Variants in ABL2 observed in about 807,000 individuals in gnomAD.
The protein encoded by ABL2 is tyrosine-protein kinase ABL2.
A neutral mutation model predicts 107.7 loss-of-function variants in ABL2; 49 were observed. The observed-to-expected ratio is 0.45, with a 90% CI of 0.36 to 0.58. ABL2 has a LOEUF of 0.58. ABL2 is among the 20% of genes least tolerant of loss of function. The pLI, the probability that ABL2 is intolerant of heterozygous loss-of-function variation, is 0.00. For missense variants in ABL2, 1,245 were observed against 1,457.0 expected (o/e 0.85, Z 2.37); for synonymous variants, 549 against 548.6 (o/e 1.00, Z -0.01).
rs375116317 is a variant in ABL2, at chr1:179,126,760, T to TAA, written c.392-90_392-89dup. The TAA allele has an allele frequency of 6.5e-4, 642 of 991,294 alleles. No homozygotes were observed. Among genetic ancestry groups the TAA allele is most frequent in the South Asian group, 1.0e-3 (37 of 36,170 alleles). The allele number at this position is 991,294 out of a possible 1,614,324, so 61.4% of individuals were successfully genotyped here. On this transcript the variant is annotated intron_variant, in intron 3 of 11. Transcript: ENST00000502732. The surrounding 1 kb of genome is among the most constrained non-coding windows in gnomAD (Gnocchi z 4.4). ...GTGTACTGTCAAACTTTAAACTCAT[T>TAA]AAAAAAAAAAAAGAATCTAGAACTT...
chr1:179,138,695 G>A (rs1395994715), intron 1 of ABL2, among the ~76,000 whole-genome samples: 3 of 152,148 alleles, frequency 2.0e-5, no homozygotes, highest in African/African-American at 7.2e-5. Context: ...CACAGCCCTC[G>A]CTCGCTCTCG....
intron 1 of ABL2, among the ~76,000 whole-genome samples, chr1:179,133,979 G>A (rs554694959): frequency 6.6e-6 from 1 of 152,118 alleles, no homozygotes; most frequent in African/African-American, 2.4e-5. Context: ...GATAATGGGG[G>A]CTACTGCACC....
rs1558013912 is a variant in ABL2, at chr1:179,229,364, GA to G, written c.33del (p.Pro12ArgfsTer78). MGQQVGRVGE[A>X]PGLQQPQPRG... ...CGGGGCTGAGGCTGCTGGAGCCCCG[GA>G]GCTTCCCCGACGCGGCCCACCTGCT... On this transcript the variant is annotated frameshift_variant, in exon 1 of 12. Coordinates refer to ENST00000502732, the MANE Select transcript of ABL2 (RefSeq NM_007314.4). LOFTEE classifies it high-confidence loss of function. The G allele has an allele frequency of 6.4e-7, 1 of 1,572,128 alleles. No individual in the cohort carries two copies. The highest frequency in any genetic ancestry group is 8.6e-7 in the Non-Finnish European group (1 of 1,164,094).
At chr1:179,215,926 G>C (rs562490966) in intron 1 of ABL2, among the ~76,000 whole-genome samples, 1 of 152,012 alleles carries the variant, frequency 6.6e-6, no homozygotes, top group Non-Finnish European at 1.5e-5. Flanking sequence ...TAATTTGCTG[G>C]AATTAGCACA....
chr1:179,137,732 T>C (rs1657169279), intron 1 of ABL2: 1 of 152,202 alleles, frequency 6.6e-6, no homozygotes, highest in South Asian at 2.1e-4. Context: ...AAACAGTAAT[T>C]TGATCACCCT....
intron 1 of ABL2, among the ~76,000 whole-genome samples, chr1:179,200,553 A>G (rs974538078): frequency 2.3e-4 from 35 of 152,186 alleles, no homozygotes; most frequent in African/African-American, 8.4e-4. Context: ...AGTTTCGCAT[A>G]TTCTATCTCC....
intron 1 of ABL2, among the ~76,000 whole-genome samples, chr1:179,224,540 A>T (rs561246377): frequency 1.9e-4 from 29 of 149,442 alleles, no homozygotes; most frequent in African/African-American, 6.3e-4. Context: ...AAGTGCTGGG[A>T]TTATAGGTGT....
intron 1 of ABL2, among the ~76,000 whole-genome samples, chr1:179,136,995 C>T (rs1244394298): frequency 6.6e-6 from 1 of 150,642 alleles, no homozygotes; most frequent in Non-Finnish European, 1.5e-5. Context: ...CTCTGTAATT[C>T]TCCAGTTTCA....
intron 10 of ABL2, among the ~76,000 whole-genome samples, chr1:179,111,045 G>A (rs1459609547): frequency 3.4e-5 from 5 of 147,084 alleles, no homozygotes; most frequent in Admixed American, 6.9e-5. Flanking sequence ...GTGCAATGGC[G>A]TGATCTCAGC....
chr1:179,194,300 T>C (rs1218125804), intron 1 of ABL2, among the ~76,000 whole-genome samples: 1 of 152,160 alleles, frequency 6.6e-6, no homozygotes, highest in Non-Finnish European at 1.5e-5. Context: ...AAATCAATCA[T>C]CCTTAATAGT....
Position 179,102,419 on chromosome 1 carries a change from C to T in ABL2, c.*5299G>A, listed in dbSNP as rs139185338. 6 of 219,990 alleles carry T rather than the reference C, an allele frequency of 2.7e-5. No individual in the cohort carries two copies. The highest frequency in any genetic ancestry group is 1.4e-3 in the Middle Eastern group (1 of 694). The allele number at this position is 219,990 out of a possible 1,614,324, so 13.6% of individuals were successfully genotyped here. On this transcript the variant is annotated 3_prime_UTR_variant, in exon 12 of 12. Transcript: ENST00000502732. Reference sequence around the variant, plus strand: ...TTTCAGAAGTTCTCACATACTCCTACGGATCCCAGACTGAAGCAGGAATTT... The same window carrying T: ...TTTCAGAAGTTCTCACATACTCCTATGGATCCCAGACTGAAGCAGGAATTT...
chr1:179,172,973 T>C (rs1006209979), intron 1 of ABL2, among the ~76,000 whole-genome samples: 5 of 152,154 alleles, frequency 3.3e-5, no homozygotes, highest in Admixed American at 2.6e-4. Flanking sequence ...ATGGATCACT[T>C]GAGGCCAGGA....
chr1:179,205,947 T>C (rs1661948482), intron 1 of ABL2, among the ~76,000 whole-genome samples: 1 of 152,246 alleles, frequency 6.6e-6, no homozygotes, highest in Non-Finnish European at 1.5e-5. Context: ...CTAAGCACTT[T>C]ATATAGCTTA....
intron 1 of ABL2, among the ~76,000 whole-genome samples, chr1:179,198,806 A>G (rs1383535778): frequency 1.3e-5 from 2 of 151,510 alleles, no homozygotes; most frequent in African/African-American, 2.4e-5. Flanking sequence ...AGGAATGCTA[A>G]TAGGGTATCA....
chr1:179,218,473 T>C (rs915232122), intron 1 of ABL2, among the ~76,000 whole-genome samples: 4 of 152,126 alleles, frequency 2.6e-5, no homozygotes, highest in African/African-American at 7.2e-5. Flanking sequence ...CTCGGCTCAC[T>C]GCAGCCTCTG....
chr1:179,221,834 T>G, intron 1 of ABL2: 1 of 235,658 alleles, frequency 4.2e-6, no homozygotes, highest in Non-Finnish European at 9.2e-6. Flanking sequence ...GAGTGTCCTT[T>G]CAAGGTGTTT....
chr1:179,132,867 T>G (rs1321263962), intron 2 of ABL2, among the ~76,000 whole-genome samples: 1 of 128,066 alleles, frequency 7.8e-6, no homozygotes, highest in Admixed American at 8.2e-5. Context: ...CGCACCCCTC[T>G]CCCACCACCG....
chr1:179,118,355 T>C (rs996128131), intron 7 of ABL2, among the ~76,000 whole-genome samples: 1 of 151,562 alleles, frequency 6.6e-6, no homozygotes, highest in Non-Finnish European at 1.5e-5. Context: ...ACTATTGCAA[T>C]TTTTTTTTAA....
intron 3 of ABL2, among the ~76,000 whole-genome samples, chr1:179,127,084 TAAC>T (rs1182094190): frequency 1.3e-5 from 2 of 152,092 alleles, no homozygotes; most frequent in African/African-American, 4.8e-5. Flanking sequence ...GATTCAATGT[TAAC>T]AACAATCAAG....
Sources: gnomAD v4.1 joint callset for allele counts (sites outside exome capture counted in the v4.1 genomes callset) on GRCh38, gnomAD v4.1.1 for gene constraint, Gnocchi (gnomAD v3.1) non-coding constraint, MANE v1.5 for transcripts, NCBI Gene and HGNC (gene_info 2026-07-23, HGNC 2026-07-21) for gene names.